CSGALNACT1: variants seen among roughly 807,000 people sequenced by gnomAD.
The protein encoded by CSGALNACT1 is beta4GalNAcT-1.
Under a neutral mutation model 51.0 loss-of-function variants are expected in CSGALNACT1, and 52 were observed. That is an observed-to-expected ratio of 1.02 (90% confidence interval 0.82 to 1.29). The LOEUF is 1.29. Ranked by LOEUF, CSGALNACT1 falls within the 50% of genes most tolerant of loss-of-function variation. The pLI is 0.00. For synonymous variants in CSGALNACT1, 341 were observed against 254.4 expected (o/e 1.34, Z -3.24); for missense variants, 935 against 679.2 (o/e 1.38, Z -4.19).
chr8:19,720,627 G>T (rs1181323004), intron 1 of CSGALNACT1, among the ~76,000 whole-genome samples: 1 of 152,124 alleles, frequency 6.6e-6, no homozygotes, highest in African/African-American at 2.4e-5. Context: ...GTGTGGCTGT[G>T]CCAGGCGTGG....
chr8:19,668,351 C>T (rs1027854521), intron 1 of CSGALNACT1, among the ~76,000 whole-genome samples: 6 of 151,844 alleles, frequency 4.0e-5, no homozygotes, highest in Non-Finnish European at 2.9e-5. Flanking sequence ...TACACACACA[C>T]ACACACACAA....
intron 1 of CSGALNACT1, among the ~76,000 whole-genome samples, chr8:19,754,608 A>C (rs2065241593): frequency 1.3e-5 from 2 of 152,230 alleles, no homozygotes; most frequent in Admixed American, 6.5e-5. Context: ...CCTTAACTCT[A>C]AAATTATTAA....
At chr8:19,451,084 G>A (rs1462735590) in intron 5 of CSGALNACT1, among the ~76,000 whole-genome samples, 1 of 152,150 alleles carries the variant, frequency 6.6e-6, no homozygotes, top group Non-Finnish European at 1.5e-5. Context: ...TTAGCATCAT[G>A]ATTTCTTGTA....
chr8:19,439,773 G>T, intron 6 of CSGALNACT1, 57 bp downstream of exon 5: 3 of 1,293,740 alleles, frequency 2.3e-6, no homozygotes, highest in Middle Eastern at 1.8e-4. Context: ...AGCCTTGGAT[G>T]TGTGCTTCTG....
chr8:19,408,734 G>C, intron 8 of CSGALNACT1, 40 bp from the exon 8 acceptor site: 1 of 1,587,816 alleles, frequency 6.3e-7, no homozygotes, highest in Non-Finnish European at 8.6e-7. Flanking sequence ...AAAGTTTAGG[G>C]TGGACAAAAA....
At chr8:19,411,586 C>A (rs1172056270) in intron 8 of CSGALNACT1, among the ~76,000 whole-genome samples, 1 of 152,162 alleles carries the variant, frequency 6.6e-6, no homozygotes, top group Non-Finnish European at 1.5e-5. Context: ...AATCCTGTGG[C>A]TCTGGACCAA....
chr8:19,757,284 C>G lies in CSGALNACT1; in HGVS notation c.-297+566G>C, dbSNP rs2065462633. 1.3e-5 allele frequency: 2 copies of G among 150,438 alleles called. No homozygotes were observed. The highest frequency in any genetic ancestry group is 3.6e-4 in the South Asian group (2 of 5,560). The allele number at this position is 150,438 out of a possible 1,614,324, so 9.3% of individuals were successfully genotyped here. A position where few individuals can be genotyped will look rare whatever the true frequency, so the allele number is the denominator to read the frequency against. ...CCGCCGCGGACTCGGCTCCACCTCCCGCTCCGGCAGCCGCGGAGCCTCCAG... is the reference window on the plus strand; with the variant it reads ...CCGCCGCGGACTCGGCTCCACCTCCGGCTCCGGCAGCCGCGGAGCCTCCAG... On this transcript the variant is annotated intron_variant, in intron 1 of 1. Coordinates refer to the CSGALNACT1 transcript ENST00000517494. This position sits in a 1 kb window ranked among gnomAD's most constrained non-coding sequence, Gnocchi z 4.0.
At chr8:19,406,215 C>A in intron 9 of CSGALNACT1, 146 bp from the exon 9 acceptor site, 1 of 952,468 alleles carries the variant, frequency 1.0e-6, no homozygotes, top group Non-Finnish European at 1.7e-6. Flanking sequence ...AGAGTGTCCA[C>A]CTGGGTCAGA....
chr8:19,490,728 C>A (rs2074188110), intron 4 of CSGALNACT1, among the ~76,000 whole-genome samples: 1 of 152,156 alleles, frequency 6.6e-6, no homozygotes, highest in Non-Finnish European at 1.5e-5. Flanking sequence ...TCCACAGGGC[C>A]CATCATCTCC....
At chr8:19,737,521 G>A (rs894993301) in intron 1 of CSGALNACT1, among the ~76,000 whole-genome samples, 12 of 151,538 alleles carry the variant, frequency 7.9e-5, no homozygotes, top group African/African-American at 2.2e-4. Context: ...ACACACATAC[G>A]GAAAAATTTC....
intron 4 of CSGALNACT1, among the ~76,000 whole-genome samples, chr8:19,480,637 C>A (rs1382893108): frequency 6.6e-6 from 1 of 152,144 alleles, no homozygotes; most frequent in Non-Finnish European, 1.5e-5. Context: ...TTTAAACAAA[C>A]CTAGCAAAGA....
chr8:19,538,373 A>G (rs10089231), intron 3 of CSGALNACT1, among the ~76,000 whole-genome samples: 16,679 of 152,064 alleles, frequency 0.11, 1,051 homozygotes, highest in African/African-American at 0.18. Context: ...AAAAAAAGTC[A>G]TATAATTAGA....
Position 19,454,658 on chromosome 8 carries a change from G to C in CSGALNACT1, c.851+3768C>G, listed in dbSNP as rs570229794. Reference sequence around the variant, plus strand: ...TGCACTCCAGCCTGGGTGACAGTGAGACTCTGTCTCAAAATAAATAAATAA... The same window carrying C: ...TGCACTCCAGCCTGGGTGACAGTGACACTCTGTCTCAAAATAAATAAATAA... On this transcript the variant is annotated intron_variant, in intron 5 of 9. Transcript: ENST00000454498. Among the ~76,000 whole-genome samples, 111 of 152,276 alleles carry C rather than the reference G, an allele frequency of 7.3e-4. 1 individual carries two copies. Among genetic ancestry groups the C allele is most frequent in the Middle Eastern group, 6.8e-3 (2 of 294 alleles).
chr8:19,689,709 G>C (rs1055505171), intron 1 of CSGALNACT1, among the ~76,000 whole-genome samples: 2 of 152,184 alleles, frequency 1.3e-5, no homozygotes, highest in Non-Finnish European at 2.9e-5. Context: ...AGTCACTCAT[G>C]CTAAAGTTCC....
In CSGALNACT1 at chr8:19,474,869, GAAAAA is replaced by G. The variant is rs10683237; in HGVS notation, c.635-16232_635-16228del. On this transcript the variant is annotated intron_variant, in intron 4 of 9. Transcript: ENST00000454498. ...GCAATAAGAGTGAAACTCTGTCTCA[GAAAAA>G]AAAAAAAAAAAAGAAAAAAAAAAGA... is the stretch of plus-strand genomic sequence containing the variant. 1.9e-4 allele frequency among the ~76,000 whole-genome samples: 16 copies of G among 86,174 alleles called. No individual in the cohort carries two copies. The East Asian group carries it at 3.5e-3, about 19-fold the overall frequency. 56.5% of individuals were successfully genotyped at this position (86,174 alleles called of 152,430 possible).
At chr8:19,539,056 T>C (rs17128602) in intron 3 of CSGALNACT1, among the ~76,000 whole-genome samples, 26,425 of 152,206 alleles carry the variant, frequency 0.17, 2,375 homozygotes, top group African/African-American at 0.21. Context: ...CATTTTGTTA[T>C]ATTTTCTTTT....
intron 3 of CSGALNACT1, among the ~76,000 whole-genome samples, chr8:19,518,604 T>C (rs1348415961): frequency 6.6e-6 from 1 of 152,218 alleles, no homozygotes; most frequent in South Asian, 2.1e-4. Flanking sequence ...CTGAGACTCC[T>C]TTCTCTGTAG....
At chr8:19,506,341 T>C (rs150993103) in intron 3 of CSGALNACT1, among the ~76,000 whole-genome samples, 2 of 152,236 alleles carry the variant, frequency 1.3e-5, no homozygotes, top group South Asian at 2.1e-4. Flanking sequence ...AGAAAAAAGA[T>C]TGGAAGGAAA....
chr8:19,650,552 G>A lies in CSGALNACT1; in HGVS notation c.-544+31921C>T, dbSNP rs544028092. ...GGGCACCAACAATATGCTCAGCAAT[G>A]GTCGAACAGAAGATGCTGATGACGG... On this transcript the variant is annotated intron_variant, in intron 1 of 9. Transcript: ENST00000332246. Among the ~76,000 whole-genome samples, 30 of 152,248 alleles carry A rather than the reference G, an allele frequency of 2.0e-4. No homozygotes were observed. The South Asian group carries it at 5.8e-3, about 30-fold the overall frequency.
Sources: allele counts gnomAD v4.1 joint callset (sites outside exome capture counted in the v4.1 genomes callset), GRCh38; gene constraint gnomAD v4.1.1; non-coding constraint Gnocchi (gnomAD v3.1); transcripts MANE v1.5; gene names NCBI Gene and HGNC (gene_info 2026-07-23, HGNC 2026-07-21).